COL11A1: variants seen among roughly 807,000 people sequenced by gnomAD.
COL11A1 encodes collagen alpha-1(XI) chain.
Under a neutral mutation model 265.2 loss-of-function variants are expected in COL11A1, and 74 were observed. The ratio of observed to expected loss-of-function variants is 0.28; its 90% CI spans 0.23 to 0.34. COL11A1 has a LOEUF of 0.34. COL11A1 is among the 10% of genes least tolerant of loss of function. COL11A1 has a pLI of 1.00. For missense variants in COL11A1, 2,165 were observed against 2,263.6 expected (o/e 0.96, Z 0.88); for synonymous variants, 816 against 727.6 (o/e 1.12, Z -1.96).
chr1:102,955,340 A>G (rs973349310), intron 41 of COL11A1, among the ~76,000 whole-genome samples: 6 of 152,210 alleles, frequency 3.9e-5, no homozygotes, highest in African/African-American at 1.4e-4. Context: ...AATAATAAAT[A>G]AAGAGGAAAA....
chr1:102,962,816 A>G, intron 38 of COL11A1, 56 bp from the exon 39 acceptor site: 2 of 1,487,090 alleles, frequency 1.3e-6, no homozygotes, highest in Non-Finnish European at 1.9e-6. Context: ...GGCAAAGATA[A>G]CACAAACTCA....
At chr1:103,072,811 G>A (rs187255463) in intron 4 of COL11A1, among the ~76,000 whole-genome samples, 145 of 151,704 alleles carry the variant, frequency 9.6e-4, no homozygotes, top group Non-Finnish European at 1.6e-3. Flanking sequence ...TCTTATATCT[G>A]ATGGCTGTTT....
intron 54 of COL11A1, among the ~76,000 whole-genome samples, chr1:102,905,875 T>A (rs1022732296): frequency 6.6e-6 from 1 of 152,164 alleles, no homozygotes; most frequent in Non-Finnish European, 1.5e-5. Flanking sequence ...GTTAGTTCAG[T>A]ATTGGTCACT....
chr1:102,947,506 G>GT, intron 41 of COL11A1, among the ~76,000 whole-genome samples: 1 of 151,928 alleles, frequency 6.6e-6, no homozygotes, highest in East Asian at 1.9e-4. Context: ...AAGTCTGGAC[G>GT]TTTTCCCAAA....
At chr1:102,951,358 C>T (rs1053677072) in intron 41 of COL11A1, among the ~76,000 whole-genome samples, 1 of 152,130 alleles carries the variant, frequency 6.6e-6, no homozygotes, top group African/African-American at 2.4e-5. Flanking sequence ...AACTATAATG[C>T]ATTTGTGTTT....
chr1:102,943,318 G>T (rs1658925437), intron 42 of COL11A1, among the ~76,000 whole-genome samples: 1 of 151,774 alleles, frequency 6.6e-6, no homozygotes, highest in African/African-American at 2.4e-5. Flanking sequence ...TACCCAGCAG[G>T]TAAAATCCCA....
At chr1:102,909,764 T>A (rs1026963411) in intron 54 of COL11A1, among the ~76,000 whole-genome samples, 2 of 152,060 alleles carry the variant, frequency 1.3e-5, no homozygotes, top group Admixed American at 6.6e-5. Context: ...AATCTGAATA[T>A]GTATTGAATT....
At chr1:102,922,056 G>A (rs7512550) in intron 47 of COL11A1, among the ~76,000 whole-genome samples, 4 of 152,154 alleles carry the variant, frequency 2.6e-5, no homozygotes, top group Admixed American at 6.5e-5. Context: ...TAATTTCATT[G>A]TAAAACAAAG....
At chr1:103,093,826 T>C (rs1571266481) in intron 1 of COL11A1, among the ~76,000 whole-genome samples, 2 of 152,148 alleles carry the variant, frequency 1.3e-5, no homozygotes, top group South Asian at 2.1e-4. Context: ...TTGTCCAAAG[T>C]ACATCTCTAA....
chr1:103,024,124 T>G (rs1667330790), intron 7 of COL11A1, among the ~76,000 whole-genome samples: 1 of 152,096 alleles, frequency 6.6e-6, no homozygotes, highest in African/African-American at 2.4e-5. Flanking sequence ...AAATAACTTA[T>G]CTTGCTACTT....
intron 4 of COL11A1, among the ~76,000 whole-genome samples, chr1:103,051,610 C>T (rs996477290): frequency 1.3e-5 from 2 of 152,134 alleles, no homozygotes; most frequent in Non-Finnish European, 2.9e-5. Context: ...CACCCACTGT[C>T]CTGCACCCAC....
At chr1:102,936,345 G>T (rs111851485) in intron 44 of COL11A1, among the ~76,000 whole-genome samples, 1 of 151,506 alleles carries the variant, frequency 6.6e-6, no homozygotes, top group East Asian at 1.9e-4. Context: ...TTACTTGAAA[G>T]AGCGGCTGAC....
At chr1:103,068,905 T>TA (rs199632679) in intron 4 of COL11A1, among the ~76,000 whole-genome samples, 5,652 of 150,500 alleles carry the variant, frequency 0.038, 119 homozygotes, top group Middle Eastern at 0.095. Context: ...GAAAACATTG[T>TA]AAAAAAAAAT....
At chr1:103,039,871 G>A (rs1286867881) in intron 4 of COL11A1, among the ~76,000 whole-genome samples, 1 of 151,894 alleles carries the variant, frequency 6.6e-6, no homozygotes, top group East Asian at 1.9e-4. Flanking sequence ...TCCAGGGTCC[G>A]GTATTAAGTA....
chr1:103,048,522 T>C (rs927123213), intron 4 of COL11A1, among the ~76,000 whole-genome samples: 1 of 152,110 alleles, frequency 6.6e-6, no homozygotes, highest in African/African-American at 2.4e-5. Context: ...GCAGTCTATC[T>C]ATTTTGTTGA....
At chr1:102,918,818 T>C (rs1001800316) in intron 49 of COL11A1, among the ~76,000 whole-genome samples, 29 of 152,024 alleles carry the variant, frequency 1.9e-4, no homozygotes, top group Non-Finnish European at 3.5e-4. Flanking sequence ...ATGGAAACAA[T>C]GTGGAAGGAA....
At chr1:103,062,169 A>T (rs1670725437) in intron 4 of COL11A1, among the ~76,000 whole-genome samples, 1 of 151,988 alleles carries the variant, frequency 6.6e-6, no homozygotes, top group African/African-American at 2.4e-5. Flanking sequence ...GTCCAATAAG[A>T]AGATTGAATC....
chr1:102,879,595 A>G (rs1421666911), intron 66 of COL11A1, 88 bp downstream of exon 66: 9 of 1,142,716 alleles, frequency 7.9e-6, no homozygotes, highest in Admixed American at 1.8e-5. Context: ...CGTCCATTTC[A>G]TGAGAAAAAT....
intron 4 of COL11A1, among the ~76,000 whole-genome samples, chr1:103,035,428 A>C (rs1557976995): frequency 6.6e-6 from 1 of 152,098 alleles, no homozygotes. Flanking sequence ...TCCACTAATA[A>C]AAATTGTGCT....
Sources: gnomAD v4.1 joint callset for allele counts (sites outside exome capture counted in the v4.1 genomes callset) on GRCh38, gnomAD v4.1.1 for gene constraint, MANE v1.5 for transcripts, NCBI Gene and HGNC (gene_info 2026-07-23, HGNC 2026-07-21) for gene names.